Variants in VSNL1 observed in about 807,000 individuals in gnomAD.
VSNL1 encodes visinin-like protein 1.
In VSNL1, 6 loss-of-function variants were observed where a neutral mutation model predicts 20.4. The ratio of observed to expected loss-of-function variants is 0.29; its 90% CI spans 0.16 to 0.58. The LOEUF (loss-of-function observed/expected upper bound fraction) is 0.58, where lower values mean the gene tolerates loss of function less well. Among genes scored for constraint, VSNL1 ranks in the 20% least tolerant of loss-of-function variants. The pLI is 0.90. For missense variants in VSNL1, 100 were observed against 234.5 expected, an observed-to-expected ratio of 0.43 and a Z score of 3.75; for synonymous variants, 93 against 86.4, an observed-to-expected ratio of 1.08 and a Z score of -0.42.
intron 2 of VSNL1, among the ~76,000 whole-genome samples, chr2:17,633,348 C>CAAAAAAAAA (rs10706048): frequency 2.7e-3 from 137 of 50,532 alleles, no homozygotes; most frequent in Middle Eastern, 0.014. Flanking sequence ...ACTAAAAATA[C>CAAAAAAAAA]AAAAAAAAAA....
At chr2:17,566,220 A>T (rs945282699) in intron 1 of VSNL1, among the ~76,000 whole-genome samples, 1 of 152,188 alleles carries the variant, frequency 6.6e-6, no homozygotes, top group Non-Finnish European at 1.5e-5. Context: ...TAGAGTGTAC[A>T]TCTTTTTCAC....
intron 1 of VSNL1, among the ~76,000 whole-genome samples, chr2:17,580,197 C>T (rs1440739972): frequency 6.6e-6 from 1 of 152,102 alleles, no homozygotes; most frequent in Admixed American, 6.5e-5. Context: ...TCAGAGCTTC[C>T]ATAGATCACC....
Position 17,614,290 on chromosome 2 carries a change from G to A in VSNL1, c.162+22054G>A, listed in dbSNP as rs558058679. ...CACACTTGCCTGTCATCCCCAGTTGGGGGAAACATTGGCTTAACAATGTTC... is the reference window on the plus strand; with the variant it reads ...CACACTTGCCTGTCATCCCCAGTTGAGGGAAACATTGGCTTAACAATGTTC... On this transcript the variant is annotated intron_variant, in intron 2 of 3. Coordinates refer to ENST00000295156, the MANE Select transcript of VSNL1 (RefSeq NM_003385.5). 1.4e-3 allele frequency among the ~76,000 whole-genome samples: 207 copies of A among 152,328 alleles called. 1 individual carries two copies. The highest frequency in any genetic ancestry group is 4.8e-3 in the African/African-American group (201 of 41,566).
chr2:17,620,567 A>T (rs895231887), intron 2 of VSNL1, among the ~76,000 whole-genome samples: 1 of 152,220 alleles, frequency 6.6e-6, no homozygotes, highest in Non-Finnish European at 1.5e-5. Flanking sequence ...CCCACAGACG[A>T]AGCCTCTAAT....
At chr2:17,578,957 C>G (rs1664283330) in intron 1 of VSNL1, among the ~76,000 whole-genome samples, 1 of 152,212 alleles carries the variant, frequency 6.6e-6, no homozygotes, top group African/African-American at 2.4e-5. Flanking sequence ...GGTTGTGCTT[C>G]TCCTTCTACG....
intron 2 of VSNL1, among the ~76,000 whole-genome samples, chr2:17,632,987 C>G (rs1242689168): frequency 1.3e-5 from 2 of 152,136 alleles, no homozygotes; most frequent in Non-Finnish European, 2.9e-5. Context: ...AACCCTGTTT[C>G]TTAGTCTGTT....
At position 17,655,489 on chromosome 2, in the gene VSNL1, A is replaced by T; in HGVS notation, c.*95A>T. 7.2e-6 allele frequency: 8 copies of T among 1,103,742 alleles called. No homozygotes were observed. The South Asian group carries it at 1.2e-4, about 17-fold the overall frequency. 68.4% of individuals were successfully genotyped at this position (1,103,742 alleles called of 1,614,324 possible). ...CACACACACACACACACACACACAC[A>T]CACACACACACAAATATTGCTTGGA... On this transcript the variant is annotated 3_prime_UTR_variant, in exon 4 of 4. Coordinates refer to ENST00000295156, the MANE Select transcript of VSNL1 (RefSeq NM_003385.5). This position sits in a 1 kb window ranked among gnomAD's most constrained non-coding sequence, Gnocchi z 5.2.
intron 1 of VSNL1, among the ~76,000 whole-genome samples, chr2:17,559,411 A>G (rs1663761717): frequency 6.6e-6 from 1 of 151,078 alleles, no homozygotes; most frequent in East Asian, 1.9e-4. Flanking sequence ...AAACCAGCAA[A>G]AAAAAAAACA....
chr2:17,552,026 G>A (rs902870763), intron 1 of VSNL1, among the ~76,000 whole-genome samples: 3 of 138,898 alleles, frequency 2.2e-5, no homozygotes, highest in Admixed American at 1.5e-4. Context: ...GTGAAACCCC[G>A]TCTCTCCTAA....
At chr2:17,608,837 G>A (rs1342982334) in intron 2 of VSNL1, among the ~76,000 whole-genome samples, 3 of 152,160 alleles carry the variant, frequency 2.0e-5, no homozygotes, top group African/African-American at 7.2e-5. Context: ...TTTTGTGTTA[G>A]GGATGTATGT....
At chr2:17,627,880 G>C (rs1665547035) in intron 2 of VSNL1, among the ~76,000 whole-genome samples, 1 of 152,168 alleles carries the variant, frequency 6.6e-6, no homozygotes, top group Non-Finnish European at 1.5e-5. Flanking sequence ...ATAGCTTTTT[G>C]GGAAGGGCTA....
intron 2 of VSNL1, among the ~76,000 whole-genome samples, chr2:17,643,604 G>C (rs142883183): frequency 4.3e-4 from 66 of 152,266 alleles, no homozygotes; most frequent in African/African-American, 1.5e-3. Flanking sequence ...TACAGCAATG[G>C]CAAAACCAGG....
chr2:17,622,588 G>A (rs1665404424), intron 2 of VSNL1, among the ~76,000 whole-genome samples: 1 of 125,702 alleles, frequency 8.0e-6, no homozygotes, highest in Admixed American at 7.8e-5. Context: ...AAGAAAGAAA[G>A]AAAGAAAGAA....
At chr2:17,542,415 G>A (rs1025940577) in intron 1 of VSNL1, among the ~76,000 whole-genome samples, 3 of 152,160 alleles carry the variant, frequency 2.0e-5, no homozygotes, top group Admixed American at 6.5e-5. Flanking sequence ...ATCCAATTTT[G>A]GGGATGAAAT....
chr2:17,623,142 A>C (rs1665425248), intron 2 of VSNL1, among the ~76,000 whole-genome samples: 1 of 152,216 alleles, frequency 6.6e-6, no homozygotes, highest in Non-Finnish European at 1.5e-5. Context: ...CAAATGCTAT[A>C]AATACTTCAT....
At chr2:17,579,554 A>G (rs1416350980) in intron 1 of VSNL1, among the ~76,000 whole-genome samples, 3 of 152,242 alleles carry the variant, frequency 2.0e-5, no homozygotes, top group Non-Finnish European at 2.9e-5. Context: ...ATGACCTGGC[A>G]AATTCGTTGA....
rs2103435708 is a variant in VSNL1, at chr2:17,655,286, C to T, written c.468C>T (p.Ser156=). ...TPEQRVDKIF[S]KMDKNKDDQI... ...AGCAGCGAGTAGACAAGATTTTCAG[C>T]AAGATGGATAAGAACAAAGATGACC... Residue 156 remains serine, a synonymous_variant, in exon 4 of 4, where the codon AGC becomes AGT. Transcript: ENST00000295156. This position sits in a 1 kb window ranked among gnomAD's most constrained non-coding sequence, Gnocchi z 5.2. 6.2e-7 allele frequency: 1 copy of T among 1,614,078 alleles called. No homozygotes were observed. The highest frequency in any genetic ancestry group is 8.5e-7 in the Non-Finnish European group (1 of 1,180,028).
chr2:17,576,048 C>T (rs1361700200), intron 1 of VSNL1, among the ~76,000 whole-genome samples: 1 of 152,052 alleles, frequency 6.6e-6, no homozygotes, highest in Non-Finnish European at 1.5e-5. Context: ...AGGAAATAAG[C>T]CATTTCTTTT....
At chr2:17,632,170 G>A (rs1247112330) in intron 2 of VSNL1, among the ~76,000 whole-genome samples, 1 of 152,000 alleles carries the variant, frequency 6.6e-6, no homozygotes, top group African/African-American at 2.4e-5. Flanking sequence ...CACCTGGCCA[G>A]GTAAGGTTTT....
Sources: allele counts gnomAD v4.1 joint callset (sites outside exome capture counted in the v4.1 genomes callset), GRCh38; gene constraint gnomAD v4.1.1; non-coding constraint Gnocchi (gnomAD v3.1); transcripts MANE v1.5; gene names NCBI Gene and HGNC (gene_info 2026-07-23, HGNC 2026-07-21).